The following TNFRSF14 variants were observed in gnomAD, a reference collection of about 807,000 sequenced individuals.
TNFRSF14 encodes the protein tumor necrosis factor receptor superfamily member 14.
TNFRSF14 carries 18 observed loss-of-function variants against 34.1 expected under a neutral mutation model. That is an observed-to-expected ratio of 0.53 (90% confidence interval 0.36 to 0.78). TNFRSF14 has a LOEUF of 0.78. TNFRSF14 is among the 30% of genes least tolerant of loss of function. The probability of loss-of-function intolerance (pLI) is 0.00; values close to 1 mark genes in which losing one functional copy is unlikely to be tolerated. For missense variants in TNFRSF14, 352 were observed against 379.5 expected (o/e 0.93, Z 0.60); for synonymous variants, 157 against 153.2 (o/e 1.02, Z -0.18).
intron 3 of TNFRSF14, 36 bp downstream of exon 3, chr1:2,558,504 G>A: frequency 2.5e-6 from 4 of 1,610,596 alleles, no homozygotes; most frequent in Non-Finnish European, 3.4e-6. Context: ...GCCTCCGCTT[G>A]GGCAGCCTGG....
At chr1:2,560,968 C>A in intron 5 of TNFRSF14, 1 of 501,800 alleles carries the variant, frequency 2.0e-6, no homozygotes, top group Non-Finnish European at 3.5e-6. Flanking sequence ...TTCCCAGAAG[C>A]AGGCCCAGAG....
At position 2,561,781 on chromosome 1, in the gene TNFRSF14, C is replaced by T. The variant is rs766890496; in HGVS notation, c.660C>T (p.Gly220=). Residue 220 remains glycine, a synonymous_variant, in exon 6 of 8, where the codon GGC becomes GGT. Coordinates refer to ENST00000355716, the MANE Select transcript of TNFRSF14 (RefSeq NM_003820.4). The surrounding 1 kb of genome is among the most constrained non-coding windows in gnomAD (Gnocchi z 6.0). The part of the protein sequence containing the change: ...LVIVIVCSTV[G]LIICVKRRKP... The stretch of plus-strand genomic sequence containing the variant: ...TCGTCATTGTTTGCTCCACAGTTGG[C>T]CTAATCATATGTGTGAAAAGAAGAA... 1.9e-6 allele frequency: 3 copies of T among 1,613,856 alleles called. No individual in the cohort carries two copies. Among genetic ancestry groups the T allele is most frequent in the Non-Finnish European group, 2.5e-6 (3 of 1,179,996 alleles).
chr1:2,556,712 C>A lies in TNFRSF14; in HGVS notation c.48C>A (p.Pro16=). ...DWGPPPWRST[P]KTDVLRLVLY... is the part of the protein sequence containing the mutation. ...GGCCTCCTCCCTGGAGATCCACCCC[C>A]AAAACCGACGTCTTGAGGCTGGTGA... Residue 16 remains proline (P), a synonymous_variant, in exon 1 of 8, where the codon CCC becomes CCA. Coordinates refer to ENST00000355716, the MANE Select transcript of TNFRSF14 (RefSeq NM_003820.4). The A allele has an allele frequency of 6.2e-7, 1 of 1,607,018 alleles. No individual in the cohort carries two copies. The highest frequency in any genetic ancestry group is 8.5e-7 in the Non-Finnish European group (1 of 1,176,676).
At position 2,556,795 on chromosome 1, in the gene TNFRSF14, C is replaced by T. The variant is rs539709909; in HGVS notation, c.69+62C>T. ...TCCCAGTTCTGACCCCAGGGCCTCC[C>T]ACAGATCTCTTCCCCATGCCCCTGT... On this transcript the variant is annotated intron_variant, in intron 1 of 7. Coordinates refer to ENST00000355716, the MANE Select transcript of TNFRSF14 (RefSeq NM_003820.4). The T allele has an allele frequency of 2.0e-6, 3 of 1,470,782 alleles. No homozygotes were observed. The African/African-American group carries it at 4.2e-5, about 21-fold the overall frequency. 91.1% of individuals were successfully genotyped at this position (1,470,782 alleles called of 1,614,324 possible).
Position 2,556,548 on chromosome 1 carries a change from A to ATTCTCTTTCTCT in TNFRSF14, c.-103_-92dup. 2.0e-6 allele frequency: 2 copies of ATTCTCTTTCTCT among 1,021,418 alleles called. No individual in the cohort carries two copies. Among genetic ancestry groups the ATTCTCTTTCTCT allele is most frequent in the South Asian group, 2.7e-5 (2 of 73,370 alleles). The allele number at this position is 1,021,418 out of a possible 1,614,324, so 63.3% of individuals were successfully genotyped here. A position where few individuals can be genotyped will look rare whatever the true frequency, so the allele number is the denominator to read the frequency against. On this transcript the variant is annotated 5_prime_UTR_variant, in exon 1 of 8. Coordinates refer to ENST00000355716, the MANE Select transcript of TNFRSF14 (RefSeq NM_003820.4). ...GGCACAGCTTGTCACACCGAGGCGGATTCTCTTTCTCTTTCTCTTTCTCTT... is the reference window on the plus strand; with the variant it reads ...GGCACAGCTTGTCACACCGAGGCGGATTCTCTTTCTCTTTCTCTTTCTCTTTCTCTTTCTCTT...
rs1327076437 is a variant in TNFRSF14 at position 2,556,399 on chromosome 1, G to GA, written c.-266_-265insA. 1.5e-6 allele frequency: 1 copy of GA among 681,764 alleles called. No individual in the cohort carries two copies. Among genetic ancestry groups the GA allele is most frequent in the East Asian group, 2.8e-5 (1 of 35,950 alleles). The allele number at this position is 681,764 out of a possible 1,614,324, so 42.2% of individuals were successfully genotyped here. The stretch of plus-strand genomic sequence containing the variant: ...CCGGCCCTTCCCCTCGGCTTTGCCT[G>GA]GACAGCTCCTGCCTCCCGCAGGGCC... On this transcript the variant is annotated 5_prime_UTR_variant, in exon 1 of 8. Transcript: ENST00000355716.
Position 2,557,825 on chromosome 1 carries a change from T to C in TNFRSF14, c.169T>C (p.Cys57Arg). ...YPVGSECCPK[C>R]SPGYRVKEAC... ...AGTGGGCTCCGAGTGCTGCCCCAAG[T>C]GCAGTCCAGGTAGGTGCAGCCCTTT... Residue 57 changes from cysteine to arginine, a missense_variant, in exon 2 of 8, where the codon TGC becomes CGC. Coordinates refer to ENST00000355716, the MANE Select transcript of TNFRSF14 (RefSeq NM_003820.4). 1 of 1,609,368 alleles carries C rather than the reference T, an allele frequency of 6.2e-7. No individual in the cohort carries two copies. Among genetic ancestry groups the C allele is most frequent in the Non-Finnish European group, 8.5e-7 (1 of 1,177,814 alleles).
At position 2,563,267 on chromosome 1, in the gene TNFRSF14, C is replaced by A; in HGVS notation, c.846C>A (p.Asn282Lys). The change falls in exon 8 of 8, where the codon AAC becomes AAA. Residue 282 changes from asparagine (N) to lysine (K), a missense_variant. Asn to Lys is a moderately conservative substitution (Grantham distance 94). Coordinates refer to ENST00000355716, the MANE Select transcript of TNFRSF14 (RefSeq NM_003820.4). ...TIPSFTGRSP[N>K]H ...CCTCATTCACGGGGAGGAGCCCAAA[C>A]CACTGACCCACAGACTCTGCACCCC... The A allele has an allele frequency of 3.1e-6, 5 of 1,613,490 alleles. No homozygotes were observed.
chr1:2,561,496 G>A lies in TNFRSF14; in HGVS notation c.552-177G>A, dbSNP rs575127151. ...TCCTTCTCTCCACCTCCCCATAGCC[G>A]AGCTTGGAAAAGTCAGACAGACCTC... is the stretch of plus-strand genomic sequence containing the variant. On this transcript the variant is annotated intron_variant, in intron 5 of 7. Transcript: ENST00000355716. This position sits in a 1 kb window ranked among gnomAD's most constrained non-coding sequence, Gnocchi z 6.0. 95 of 1,529,108 alleles carry A rather than the reference G, an allele frequency of 6.2e-5. 1 individual carries two copies. Among genetic ancestry groups the A allele is most frequent in the East Asian group, 3.2e-4 (13 of 40,584 alleles). The allele number at this position is 1,529,108 out of a possible 1,614,324, so 94.7% of individuals were successfully genotyped here. A position where few individuals can be genotyped will look rare whatever the true frequency, so the allele number is the denominator to read the frequency against.
chr1:2,557,948 G>A, intron 2 of TNFRSF14, 114 bp downstream of exon 2: 3 of 899,394 alleles, frequency 3.3e-6, no homozygotes, highest in Non-Finnish European at 5.0e-6. Context: ...GTGTGATGAA[G>A]CCCTGGGGCT....
rs922640552 is a variant in TNFRSF14 at position 2,563,570 on chromosome 1, C to T, written c.*297C>T. 3.0e-5 allele frequency: 12 copies of T among 402,468 alleles called. No individual in the cohort carries two copies. Among genetic ancestry groups the T allele is most frequent in the Admixed American group, 1.2e-4 (3 of 24,798 alleles). 24.9% of individuals were successfully genotyped at this position (402,468 alleles called of 1,614,324 possible). ...TCGCTCACAGACCACACACCCAGCCCTCCTGGGCCAGCCCAGAGGGCCCTT... is the reference window on the plus strand; with the variant it reads ...TCGCTCACAGACCACACACCCAGCCTTCCTGGGCCAGCCCAGAGGGCCCTT... On this transcript the variant is annotated 3_prime_UTR_variant, in exon 8 of 8. Coordinates refer to ENST00000355716, the MANE Select transcript of TNFRSF14 (RefSeq NM_003820.4).
rs11558734 is a variant in TNFRSF14 at position 2,563,591 on chromosome 1, C to T, written c.*318C>T. The T allele has an allele frequency of 2.2e-5, 8 of 363,208 alleles. No individual in the cohort carries two copies. Among genetic ancestry groups the T allele is most frequent in the African/African-American group, 1.0e-4 (5 of 49,682 alleles). The allele number at this position is 363,208 out of a possible 1,614,324, so 22.5% of individuals were successfully genotyped here. A position where few individuals can be genotyped will look rare whatever the true frequency, so the allele number is the denominator to read the frequency against. On this transcript the variant is annotated 3_prime_UTR_variant, in exon 8 of 8. Transcript: ENST00000355716. ...AGCCCTCCTGGGCCAGCCCAGAGGG[C>T]CCTTCAGACCCCAGCTGTCTGCGCG...
rs2100867251 is a variant in TNFRSF14 at position 2,563,664 on chromosome 1, A to G, written c.*391A>G. ...GGACAGGCCCCGGGCACTGCCTCAC[A>G]GCCAAGGCTGGACTGGGTTGGCTGC... is the stretch of plus-strand genomic sequence containing the variant. On this transcript the variant is annotated 3_prime_UTR_variant, in exon 8 of 8. Transcript: ENST00000355716. The G allele has an allele frequency of 3.6e-6, 1 of 274,868 alleles. No individual in the cohort carries two copies. The highest frequency in any genetic ancestry group is 6.9e-6 in the Non-Finnish European group (1 of 144,432). 17.0% of individuals were successfully genotyped at this position (274,868 alleles called of 1,614,324 possible).
Position 2,557,779 on chromosome 1 carries a change from C to T in TNFRSF14, c.123C>T (p.Ser41=). 1.2e-6 allele frequency: 2 copies of T among 1,611,840 alleles called. No individual in the cohort carries two copies. Among genetic ancestry groups the T allele is most frequent in the Non-Finnish European group, 8.5e-7 (1 of 1,179,090 alleles). Reference sequence around the variant, plus strand: ...CCTGCTACGCCCCAGCTCTGCCGTCCTGCAAGGAGGACGAGTACCCAGTGG... The same window carrying T: ...CCTGCTACGCCCCAGCTCTGCCGTCTTGCAAGGAGGACGAGTACCCAGTGG... ...GAPCYAPALP[S]CKEDEYPVGS... is the part of the protein sequence containing the mutation. The change falls in exon 2 of 8, where the codon TCC becomes TCT. Residue 41 remains serine (S), a synonymous_variant. Coordinates refer to ENST00000355716, the MANE Select transcript of TNFRSF14 (RefSeq NM_003820.4).
At chr1:2,558,666 C>T in intron 3 of TNFRSF14, 198 bp downstream of exon 3, 3 of 1,188,512 alleles carry the variant, frequency 2.5e-6, no homozygotes, top group East Asian at 2.5e-5. Flanking sequence ...CTCTGTCTCA[C>T]CTCTCACTTT....
rs1184583490 is a variant in TNFRSF14 at position 2,563,310 on chromosome 1, G to A, written c.*37G>A. The A allele has an allele frequency of 1.2e-6, 2 of 1,605,884 alleles. No individual in the cohort carries two copies. The highest frequency in any genetic ancestry group is 3.3e-5 in the Admixed American group (2 of 59,702). ...TGCACCCCGACGCCAGAGATACCTGGAGCGACGGCTGCTGAAAGAGGCTGT... is the reference window on the plus strand; with the variant it reads ...TGCACCCCGACGCCAGAGATACCTGAAGCGACGGCTGCTGAAAGAGGCTGT... On this transcript the variant is annotated 3_prime_UTR_variant, in exon 8 of 8. Transcript: ENST00000355716.
intron 6 of TNFRSF14, chr1:2,562,315 C>T (rs552026066): frequency 4.0e-4 from 81 of 203,944 alleles, no homozygotes; most frequent in African/African-American, 1.6e-3. Flanking sequence ...TGTGTGGACC[C>T]GGCTGTGGCC....
intron 3 of TNFRSF14, 51 bp downstream of exon 3, chr1:2,558,519 C>T (rs1644253740): frequency 4.4e-6 from 7 of 1,605,228 alleles, no homozygotes; most frequent in South Asian, 1.1e-5. Flanking sequence ...GCCTGGATGC[C>T]CCCGCACCCT....
At position 2,561,818 on chromosome 1, in the gene TNFRSF14, G is replaced by A. The variant is rs1330192148; in HGVS notation, c.694+3G>A. The A allele has an allele frequency of 6.2e-7, 1 of 1,613,002 alleles. No homozygotes were observed. Among genetic ancestry groups the A allele is most frequent in the Non-Finnish European group, 8.5e-7 (1 of 1,179,732 alleles). ...TGTGAAAAGAAGAAAGCCAAGGGGT[G>A]AGCACACGGCGGCCCCATCAGGGCT... On this transcript the variant is annotated splice_donor_region_variant and intron_variant, in intron 6 of 7. Transcript: ENST00000355716. This position sits in a 1 kb window ranked among gnomAD's most constrained non-coding sequence, Gnocchi z 6.0.
Sources: gnomAD v4.1 joint callset for allele counts on GRCh38, gnomAD v4.1.1 for gene constraint, Gnocchi (gnomAD v3.1) non-coding constraint, MANE v1.5 for transcripts, NCBI Gene and HGNC (gene_info 2026-07-23, HGNC 2026-07-21) for gene names.